CDC14B: variants seen among roughly 807,000 people sequenced by gnomAD.
The protein encoded by CDC14B is dual specificity protein phosphatase CDC14B.
A neutral mutation model predicts 64.2 loss-of-function variants in CDC14B; 22 were observed. That is an observed-to-expected ratio of 0.34 (90% CI 0.24 to 0.49). CDC14B has a LOEUF of 0.49. CDC14B is among the 20% of genes least tolerant of loss of function. CDC14B has a pLI of 0.99. For synonymous variants in CDC14B, 191 were observed against 215.8 expected (o/e 0.89, Z 1.01); for missense variants, 498 against 629.9 (o/e 0.79, Z 2.24).
chr9:96,507,562 C>T (rs1033843459), intron 13 of CDC14B, among the ~76,000 whole-genome samples: 60 of 151,880 alleles, frequency 4.0e-4, no homozygotes, highest in African/African-American at 1.4e-3. Context: ...ATTACAGGCA[C>T]CCGCCACTGC....
At chr9:96,507,420 A>ATTTTTT (rs547920065) in intron 13 of CDC14B, among the ~76,000 whole-genome samples, 1 of 143,786 alleles carries the variant, frequency 7.0e-6, no homozygotes, top group African/African-American at 2.5e-5. Context: ...TTTTTATTTG[A>ATTTTTT]TTTTTTTTTT....
intron 1 of CDC14B, among the ~76,000 whole-genome samples, chr9:96,573,372 T>C (rs906172937): frequency 6.6e-6 from 1 of 151,912 alleles, no homozygotes. Flanking sequence ...AATAATAAAG[T>C]TTTGCAATGT....
Position 96,500,184 on chromosome 9 carries a change from G to A in CDC14B, c.*3569C>T, listed in dbSNP as rs187883928. On this transcript the variant is annotated 3_prime_UTR_variant, in exon 14 of 14. Transcript: ENST00000375241. ...CTATTCGATATTTTGTATAAAACCA[G>A]TTACAACCCACAAGATTTTCAAATG... The A allele has an allele frequency of 4.6e-5, 7 of 152,660 alleles. No homozygotes were observed. Among genetic ancestry groups the A allele is most frequent in the African/African-American group, 1.7e-4 (7 of 41,518 alleles). 9.5% of individuals were successfully genotyped at this position (152,660 alleles called of 1,614,324 possible).
At chr9:96,493,877 C>T (rs1003906642) in intron 13 of CDC14B, among the ~76,000 whole-genome samples, 24 of 152,322 alleles carry the variant, frequency 1.6e-4, no homozygotes, top group African/African-American at 4.6e-4. Flanking sequence ...AAAGCCTGGC[C>T]ACGTGGACCA....
At chr9:96,614,753 A>G (rs930729434) in intron 1 of CDC14B, among the ~76,000 whole-genome samples, 1 of 152,158 alleles carries the variant, frequency 6.6e-6, no homozygotes. Context: ...CAACCTCCCC[A>G]CTTCCTCCAG....
In CDC14B at chr9:96,503,223, A is replaced by G. The variant is rs562413717; in HGVS notation, c.*530T>C. 1.2e-5 allele frequency: 3 copies of G among 253,586 alleles called. No individual in the cohort carries two copies. In the East Asian group the frequency reaches 2.1e-4, roughly 18 times the overall value. The allele number at this position is 253,586 out of a possible 1,614,324, so 15.7% of individuals were successfully genotyped here. On this transcript the variant is annotated 3_prime_UTR_variant, in exon 14 of 14. Transcript: ENST00000375241. Reference sequence around the variant, plus strand: ...GGAAGACAAGCAGCTTGGGTACTTAACAGAGTTAACATTACAACAGTATTA... The same window carrying G: ...GGAAGACAAGCAGCTTGGGTACTTAGCAGAGTTAACATTACAACAGTATTA...
At chr9:96,591,847 G>A (rs1263216026) in intron 1 of CDC14B, among the ~76,000 whole-genome samples, 4 of 151,146 alleles carry the variant, frequency 2.6e-5, no homozygotes, top group Admixed American at 6.6e-5. Context: ...CCGGGTTCAC[G>A]CCATTCTCCT....
At chr9:96,514,485 T>C (rs185367602) in intron 12 of CDC14B, 1 of 985,322 alleles carries the variant, frequency 1.0e-6, no homozygotes, top group East Asian at 1.1e-4. Flanking sequence ...ATGCCATAAA[T>C]AGGAGCAAGT....
intron 7 of CDC14B, among the ~76,000 whole-genome samples, chr9:96,536,101 T>C (rs1202994480): frequency 6.6e-6 from 1 of 152,176 alleles, no homozygotes; most frequent in Non-Finnish European, 1.5e-5. Flanking sequence ...GGAGCTGAAA[T>C]AGGAAAAAAT....
rs1833921941 is a variant in CDC14B, at chr9:96,504,970, T to C, written c.1461-1181A>G. ...CAGGCAGATCACCTAAGGTTAGGAG[T>C]CAAGACCAGCCTGGCCAACATGGTG... On this transcript the variant is annotated intron_variant, in intron 13 of 13. Transcript: ENST00000375241. 2.0e-5 allele frequency among the ~76,000 whole-genome samples: 3 copies of C among 151,674 alleles called. No individual in the cohort carries two copies. In the South Asian group the frequency reaches 6.3e-4, roughly 32 times the overall value.
chr9:96,565,077 A>C (rs1843721067), intron 2 of CDC14B, among the ~76,000 whole-genome samples: 2 of 152,218 alleles, frequency 1.3e-5, no homozygotes, highest in African/African-American at 4.8e-5. Flanking sequence ...ACCTCAATGA[A>C]CATGAACATA....
intron 1 of CDC14B, among the ~76,000 whole-genome samples, chr9:96,608,060 T>C (rs1207698457): frequency 2.6e-5 from 4 of 152,236 alleles, no homozygotes; most frequent in Admixed American, 1.3e-4. Flanking sequence ...AGGTCTTCCA[T>C]GCAAAACAGC....
At chr9:96,566,842 G>T (rs1288539349) in intron 1 of CDC14B, 3 of 1,595,702 alleles carry the variant, frequency 1.9e-6, no homozygotes, top group South Asian at 2.3e-5. Context: ...GGAAGGCGGG[G>T]CAGAGGCAAG....
At chr9:96,513,629 A>C (rs1248287135) in intron 12 of CDC14B, among the ~76,000 whole-genome samples, 1 of 152,216 alleles carries the variant, frequency 6.6e-6, no homozygotes, top group African/African-American at 2.4e-5. Context: ...GGCAAAGCCA[A>C]AAACTAAAAA....
intron 12 of CDC14B, among the ~76,000 whole-genome samples, chr9:96,517,664 A>AG (rs1491325755): frequency 9.2e-5 from 13 of 141,196 alleles, no homozygotes; most frequent in African/African-American, 3.4e-4. Context: ...AAAAAAAAAA[A>AG]GAAGAAGAAA....
intron 12 of CDC14B, among the ~76,000 whole-genome samples, chr9:96,521,595 G>C (rs1405898680): frequency 1.3e-5 from 2 of 152,114 alleles, no homozygotes; most frequent in African/African-American, 2.4e-5. Flanking sequence ...TTCTACTTCA[G>C]AATTTTTATG....
intron 1 of CDC14B, among the ~76,000 whole-genome samples, chr9:96,574,317 T>C (rs1163990620): frequency 3.9e-5 from 6 of 151,952 alleles, no homozygotes; most frequent in Non-Finnish European, 5.9e-5. Context: ...TACAAATCAA[T>C]GGGAGAAGAA....
intron 12 of CDC14B, among the ~76,000 whole-genome samples, chr9:96,513,905 T>C (rs1046776657): frequency 1.1e-4 from 17 of 152,330 alleles, no homozygotes; most frequent in Admixed American, 9.8e-4. Flanking sequence ...CCACACCACC[T>C]GCGTCCACTG....
In CDC14B at chr9:96,539,916, A is replaced by G. The variant is rs562058413; in HGVS notation, c.565-776T>C. On this transcript the variant is annotated intron_variant, in intron 6 of 13. Coordinates refer to ENST00000375241, the MANE Select transcript of CDC14B (RefSeq NM_033331.4). The stretch of plus-strand genomic sequence containing the variant: ...AACAGGAGGGAAGCAAGAATTGCTG[A>G]TCCACAAGGTATTCTTGGTTCAAAG... Among the ~76,000 whole-genome samples the G allele has an allele frequency of 5.3e-5, 8 of 152,346 alleles. No individual in the cohort carries two copies. The East Asian group carries it at 1.4e-3, about 26-fold the overall frequency.
Sources: allele counts gnomAD v4.1 joint callset (sites outside exome capture counted in the v4.1 genomes callset), GRCh38; gene constraint gnomAD v4.1.1; transcripts MANE v1.5; gene names NCBI Gene and HGNC (gene_info 2026-07-23, HGNC 2026-07-21).